Variants in LOXL2 observed in about 807,000 individuals in gnomAD.
The protein encoded by LOXL2 is lysyl oxidase like 2, also known as lysyl oxidase homolog 2.
LOXL2 carries 70 observed loss-of-function variants against 93.0 expected under a neutral mutation model. The ratio of observed to expected loss-of-function variants is 0.75; its 90% CI spans 0.62 to 0.92. The LOEUF is 0.92. Ranked by LOEUF, LOXL2 falls within the 40% of genes least tolerant of loss-of-function variation. The pLI, the probability that LOXL2 is intolerant of heterozygous loss-of-function variation, is 0.00. For missense variants in LOXL2, 973 were observed against 1,054.9 expected, an observed-to-expected ratio of 0.92 and a Z score of 1.08; for synonymous variants, 438 against 413.2, an observed-to-expected ratio of 1.06 and a Z score of -0.73.
intron 12 of LOXL2, among the ~76,000 whole-genome samples, chr8:23,299,931 C>T (rs1273957538): frequency 6.6e-6 from 1 of 152,240 alleles, no homozygotes; most frequent in African/African-American, 2.4e-5. Context: ...GTTCTGGGGG[C>T]CTGCACCTGG....
intron 10 of LOXL2, among the ~76,000 whole-genome samples, chr8:23,305,461 C>A (rs1361360455): frequency 6.6e-6 from 1 of 152,210 alleles, no homozygotes; most frequent in Non-Finnish European, 1.5e-5. Context: ...CTCCCTAGGG[C>A]CACATCTCCT....
At chr8:23,393,810 T>G (rs2117238109) in intron 1 of LOXL2, among the ~76,000 whole-genome samples, 1 of 152,360 alleles carries the variant, frequency 6.6e-6, no homozygotes, top group South Asian at 2.1e-4. Context: ...CAAATATTTA[T>G]CGCACTTATT....
At chr8:23,343,328 T>G (rs1803916450) in intron 3 of LOXL2, among the ~76,000 whole-genome samples, 1 of 152,184 alleles carries the variant, frequency 6.6e-6, no homozygotes, top group South Asian at 2.1e-4. Context: ...AATGAGGTGG[T>G]TGATAGCTAC....
rs1803041889 is a variant in LOXL2, at chr8:23,297,158, G to A, written c.*885C>T. On this transcript the variant is annotated 3_prime_UTR_variant, in exon 14 of 14. Coordinates refer to ENST00000389131, the MANE Select transcript of LOXL2 (RefSeq NM_002318.3). ...TGCTGCTCAGGGCCCAGGTGCTGTGGGTCAAAGGAAACACAGACACGTTTC... is the reference window on the plus strand; with the variant it reads ...TGCTGCTCAGGGCCCAGGTGCTGTGAGTCAAAGGAAACACAGACACGTTTC... The A allele has an allele frequency of 6.6e-6, 1 of 152,040 alleles. No individual in the cohort carries two copies. The allele number at this position is 152,040 out of a possible 1,614,324, so 9.4% of individuals were successfully genotyped here.
intron 9 of LOXL2, among the ~76,000 whole-genome samples, chr8:23,311,137 T>G (rs13261574): frequency 0.79 from 120,039 of 152,116 alleles, 47,506 homozygotes; most frequent in East Asian, 0.91. Flanking sequence ...GCACGTGGAG[T>G]GAGCTCTGTC....
At chr8:23,366,281 T>C (rs2117211571) in intron 2 of LOXL2, among the ~76,000 whole-genome samples, 1 of 152,286 alleles carries the variant, frequency 6.6e-6, no homozygotes, top group South Asian at 2.1e-4. Context: ...AGGAAGTGGG[T>C]TCTAAAGCCC....
intron 5 of LOXL2, among the ~76,000 whole-genome samples, chr8:23,329,859 G>A (rs1028672606): frequency 6.6e-6 from 1 of 152,206 alleles, no homozygotes; most frequent in Admixed American, 6.5e-5. Context: ...CATCATACAA[G>A]AACCTGCCTC....
At chr8:23,349,262 C>T (rs756481786) in intron 3 of LOXL2, among the ~76,000 whole-genome samples, 3 of 152,176 alleles carry the variant, frequency 2.0e-5, no homozygotes, top group East Asian at 1.9e-4. Context: ...TTCTCCCATC[C>T]GTTCATCCTC....
At chr8:23,346,354 G>A (rs957521341) in intron 3 of LOXL2, among the ~76,000 whole-genome samples, 7 of 152,082 alleles carry the variant, frequency 4.6e-5, no homozygotes, top group South Asian at 2.1e-4. Flanking sequence ...TTCCCTCCAA[G>A]AAAGACACAG....
chr8:23,374,564 C>T (rs952850169), intron 1 of LOXL2, among the ~76,000 whole-genome samples: 4 of 152,314 alleles, frequency 2.6e-5, no homozygotes, highest in Non-Finnish European at 4.4e-5. Flanking sequence ...ACAGTCCCAC[C>T]AACAGTGTAA....
chr8:23,325,266 CAA>C (rs952046876), intron 6 of LOXL2, among the ~76,000 whole-genome samples: 1 of 152,088 alleles, frequency 6.6e-6, no homozygotes, highest in African/African-American at 2.4e-5. Context: ...CTAGAAAATG[CAA>C]AGTTACATGC....
At chr8:23,370,324 A>T (rs1385070604) in intron 1 of LOXL2, among the ~76,000 whole-genome samples, 1 of 152,000 alleles carries the variant, frequency 6.6e-6, no homozygotes, top group African/African-American at 2.4e-5. Context: ...TCCTCCTATC[A>T]GATTGAATGT....
At chr8:23,353,870 C>T (rs532446265) in intron 3 of LOXL2, among the ~76,000 whole-genome samples, 4 of 152,200 alleles carry the variant, frequency 2.6e-5, no homozygotes, top group African/African-American at 4.8e-5. Context: ...TCAACTCACT[C>T]GACACTTGCC....
chr8:23,373,780 G>C (rs900608242), intron 1 of LOXL2, among the ~76,000 whole-genome samples: 1 of 152,168 alleles, frequency 6.6e-6, no homozygotes, highest in East Asian at 1.9e-4. Context: ...TCTGAAGGTG[G>C]TGGCAGGCTG....
rs534630499 is a variant in LOXL2 at position 23,374,399 on chromosome 8, G to A, written c.-83-5965C>T. 7.2e-5 allele frequency among the ~76,000 whole-genome samples: 11 copies of A among 152,158 alleles called. No individual in the cohort carries two copies. The East Asian group carries it at 9.7e-4, about 13-fold the overall frequency. ...AGTCTTTGCTATTGTGAATAGTGCC[G>A]CAATAAACATATGTGTGCATGCGCC... On this transcript the variant is annotated intron_variant, in intron 1 of 13. Transcript: ENST00000389131.
intron 1 of LOXL2, among the ~76,000 whole-genome samples, chr8:23,391,924 A>G (rs1804850450): frequency 6.6e-6 from 1 of 152,152 alleles, no homozygotes; most frequent in African/African-American, 2.4e-5. Flanking sequence ...GTGGCCAGAG[A>G]GGCACCTTCT....
chr8:23,311,431 G>A (rs1338849211), intron 9 of LOXL2, among the ~76,000 whole-genome samples: 1 of 152,212 alleles, frequency 6.6e-6, no homozygotes, highest in Non-Finnish European at 1.5e-5. Flanking sequence ...CGAGTGTTCT[G>A]GGCACGCTTA....
At chr8:23,376,034 C>T (rs1563206040) in intron 1 of LOXL2, among the ~76,000 whole-genome samples, 1 of 152,146 alleles carries the variant, frequency 6.6e-6, no homozygotes, top group Non-Finnish European at 1.5e-5. Context: ...AAAGGGAATG[C>T]TTCCAGTTTT....
rs892197089 is a variant in LOXL2, at chr8:23,323,004, G to A, written c.1151-723C>T. ...CTCTGGGGCTTAAAGGAGGGCCCTC[G>A]ACTCTGCCGGAGAGTTCTGGAGACA... On this transcript the variant is annotated intron_variant, in intron 6 of 13. Transcript: ENST00000389131. Among the ~76,000 whole-genome samples, 7 of 152,194 alleles carry A rather than the reference G, an allele frequency of 4.6e-5. No individual in the cohort carries two copies. In the East Asian group the frequency reaches 7.7e-4, roughly 17 times the overall value.
Sources: gnomAD v4.1 joint callset for allele counts (sites outside exome capture counted in the v4.1 genomes callset) on GRCh38, gnomAD v4.1.1 for gene constraint, MANE v1.5 for transcripts, NCBI Gene and HGNC (gene_info 2026-07-23, HGNC 2026-07-21) for gene names.